FNBP1L: variants seen among roughly 807,000 people sequenced by gnomAD.
The protein encoded by FNBP1L is formin-binding protein 1-like.
A neutral mutation model predicts 91.2 loss-of-function variants in FNBP1L; 36 were observed. That is an observed-to-expected ratio of 0.39 (90% CI 0.30 to 0.52). FNBP1L has a LOEUF of 0.52. Among genes scored for constraint, FNBP1L ranks in the 20% least tolerant of loss-of-function variants. The probability of loss-of-function intolerance (pLI) is 0.66; values close to 1 mark genes in which losing one functional copy is unlikely to be tolerated. For missense variants in FNBP1L, 571 were observed against 732.1 expected (o/e 0.78, Z 2.54); for synonymous variants, 242 against 237.0 (o/e 1.02, Z -0.19).
intron 11 of FNBP1L, among the ~76,000 whole-genome samples, chr1:93,542,916 G>C (rs1426082719): frequency 6.6e-6 from 1 of 151,462 alleles, no homozygotes; most frequent in Admixed American, 6.6e-5. Context: ...CTCACGAGTA[G>C]CTGGGATTAC....
At chr1:93,517,779 C>T (rs1315460452) in intron 2 of FNBP1L, among the ~76,000 whole-genome samples, 1 of 151,578 alleles carries the variant, frequency 6.6e-6, no homozygotes, top group Non-Finnish European at 1.5e-5. Context: ...TCTTTAGCTA[C>T]CTTTCATTTC....
intron 2 of FNBP1L, among the ~76,000 whole-genome samples, chr1:93,518,985 A>G (rs1671226217): frequency 6.6e-6 from 1 of 152,220 alleles, no homozygotes; most frequent in South Asian, 2.1e-4. Context: ...TTTTGTAGAA[A>G]GGACTGTAGG....
chr1:93,513,791 C>T (rs920952389), intron 2 of FNBP1L, among the ~76,000 whole-genome samples: 4 of 152,166 alleles, frequency 2.6e-5, no homozygotes, highest in East Asian at 3.9e-4. Context: ...GAGCTATCTA[C>T]AACAAACCCA....
intron 1 of FNBP1L, among the ~76,000 whole-genome samples, chr1:93,473,913 C>A (rs746188048): frequency 2.0e-5 from 3 of 152,020 alleles, no homozygotes; most frequent in African/African-American, 7.3e-5. Flanking sequence ...GGCTGCGTGA[C>A]GGGATCTATG....
At chr1:93,466,762 G>A (rs149499045) in intron 1 of FNBP1L, among the ~76,000 whole-genome samples, 2,017 of 152,232 alleles carry the variant, frequency 0.013, 44 homozygotes, top group African/African-American at 0.046. Context: ...GCTTGATGGG[G>A]ATGGCATTGA....
Position 93,552,406 on chromosome 1 carries a change from C to T in FNBP1L, c.1811-3C>T. The T allele has an allele frequency of 6.2e-7, 1 of 1,612,060 alleles. No homozygotes were observed. Among genetic ancestry groups the T allele is most frequent in the Non-Finnish European group, 8.5e-7 (1 of 1,179,082 alleles). ...TTCTTTTCTTTTTCCTCCTGGACTG[C>T]AGGTTCCTGAAGAGGGTTTCTGAGG... On this transcript the variant is annotated splice_polypyrimidine_tract_variant and splice_region_variant and intron_variant, in intron 16 of 16. Coordinates refer to ENST00000271234, the MANE Select transcript of FNBP1L (RefSeq NM_001164473.3).
chr1:93,521,528 C>T (rs1671328215), intron 2 of FNBP1L, among the ~76,000 whole-genome samples: 1 of 152,158 alleles, frequency 6.6e-6, no homozygotes, highest in African/African-American at 2.4e-5. Context: ...AAGATGCTCT[C>T]AGTCCCTCAT....
At chr1:93,482,305 GTTAA>G (rs1273066646) in intron 1 of FNBP1L, among the ~76,000 whole-genome samples, 17 of 152,068 alleles carry the variant, frequency 1.1e-4, no homozygotes, top group African/African-American at 3.1e-4. Context: ...TAGTATATCT[GTTAA>G]TTATTACTGT....
At chr1:93,456,437 T>C (rs1417163287) in intron 1 of FNBP1L, among the ~76,000 whole-genome samples, 1 of 152,036 alleles carries the variant, frequency 6.6e-6, no homozygotes, top group Non-Finnish European at 1.5e-5. Context: ...GTAAAGGATA[T>C]CTGTTTTGTT....
Position 93,551,115 on chromosome 1 carries a change from CTT to C in FNBP1L, c.1810+11_1810+12del, listed in dbSNP as rs1265563061. 1.4e-5 allele frequency: 22 copies of C among 1,596,326 alleles called. No homozygotes were observed. Among genetic ancestry groups the C allele is most frequent in the Non-Finnish European group, 1.9e-5 (22 of 1,170,352 alleles). On this transcript the variant is annotated intron_variant, in intron 16 of 16. Coordinates refer to ENST00000271234, the MANE Select transcript of FNBP1L (RefSeq NM_001164473.3). The stretch of plus-strand genomic sequence containing the variant: ...GAGAAAAACAGTAAAGGTGCAGTAA[CTT>C]ATATCTAAACTAACCAGGCACCTTT...
Position 93,553,492 on chromosome 1 carries a change from TGTCCAA to T in FNBP1L, c.*1082_*1087del, listed in dbSNP as rs1234131409. 7 of 152,656 alleles carry T rather than the reference TGTCCAA, an allele frequency of 4.6e-5. No individual in the cohort carries two copies. Among genetic ancestry groups the T allele is most frequent in the African/African-American group, 1.4e-4 (6 of 41,472 alleles). 9.5% of individuals were successfully genotyped at this position (152,656 alleles called of 1,614,324 possible). On this transcript the variant is annotated 3_prime_UTR_variant, in exon 17 of 17. Coordinates refer to ENST00000271234, the MANE Select transcript of FNBP1L (RefSeq NM_001164473.3). ...AAATTTATGCATCAAACTAAAGACA[TGTCCAA>T]GTCCATTTTAATTTCCTCAGTGGTT...
intron 1 of FNBP1L, among the ~76,000 whole-genome samples, chr1:93,462,380 T>C (rs1210177203): frequency 1.3e-5 from 2 of 152,182 alleles, no homozygotes; most frequent in African/African-American, 2.4e-5. Context: ...TCTCCTATTA[T>C]TAACATCCTA....
chr1:93,456,465 G>A (rs1668664086), intron 1 of FNBP1L, among the ~76,000 whole-genome samples: 1 of 152,034 alleles, frequency 6.6e-6, no homozygotes, highest in Non-Finnish European at 1.5e-5. Context: ...TGTCCTTGCT[G>A]CACACCCAAT....
intron 1 of FNBP1L, among the ~76,000 whole-genome samples, chr1:93,454,526 C>T (rs575430968): frequency 7.4e-4 from 113 of 152,096 alleles, no homozygotes; most frequent in South Asian, 1.5e-3. Context: ...ATTTTAGCGC[C>T]GCTGCAAGAA....
intron 1 of FNBP1L, among the ~76,000 whole-genome samples, chr1:93,478,470 C>G (rs1669575165): frequency 6.6e-6 from 1 of 152,118 alleles, no homozygotes; most frequent in South Asian, 2.1e-4. Flanking sequence ...TGAGGGCATC[C>G]TGTGCAGGAG....
At chr1:93,551,491 T>G (rs2101779522) in intron 16 of FNBP1L, 1 of 987,976 alleles carries the variant, frequency 1.0e-6, no homozygotes, top group South Asian at 4.7e-5. Flanking sequence ...CTTTAGTGAA[T>G]TTGAATAGTG....
At chr1:93,530,297 G>A (rs965168340) in intron 6 of FNBP1L, among the ~76,000 whole-genome samples, 1 of 152,114 alleles carries the variant, frequency 6.6e-6, no homozygotes, top group African/African-American at 2.4e-5. Context: ...TGTGATTTAA[G>A]TTCCATATTT....
intron 16 of FNBP1L, 134 bp from the exon 17 acceptor site, chr1:93,552,275 T>A (rs1205653128): frequency 7.8e-5 from 114 of 1,455,038 alleles, no homozygotes; most frequent in Non-Finnish European, 7.9e-5. Flanking sequence ...ATGTTTTAAA[T>A]TTTCCTGGTG....
At chr1:93,494,533 C>T (rs544708165) in intron 1 of FNBP1L, among the ~76,000 whole-genome samples, 1 of 152,294 alleles carries the variant, frequency 6.6e-6, no homozygotes, top group East Asian at 1.9e-4. Flanking sequence ...TGGTTCCTCT[C>T]CAGCCAGCCC....
Sources: allele counts gnomAD v4.1 joint callset (sites outside exome capture counted in the v4.1 genomes callset), GRCh38; gene constraint gnomAD v4.1.1; transcripts MANE v1.5; gene names NCBI Gene and HGNC (gene_info 2026-07-23, HGNC 2026-07-21).